Variants in CPEB4 observed in about 807,000 individuals in gnomAD.
The protein encoded by CPEB4 is cytoplasmic polyadenylation element-binding protein 4.
Under a neutral mutation model 72.5 loss-of-function variants are expected in CPEB4, and 12 were observed. The ratio of observed to expected loss-of-function variants is 0.17; its 90% CI spans 0.11 to 0.27. The LOEUF is 0.27. CPEB4 is among the 10% of genes least tolerant of loss of function. The pLI, the probability that CPEB4 is intolerant of heterozygous loss-of-function variation, is 1.00. For missense variants in CPEB4, 614 were observed against 908.5 expected (o/e 0.68, Z 4.17); for synonymous variants, 302 against 326.3 (o/e 0.93, Z 0.80).
In CPEB4 at chr5:173,889,867, T is replaced by C; in HGVS notation, c.134T>C (p.Ile45Thr). ...QNATPSPAAF[I>T]NNNTAANGSS... ...GCCACCCCCAGCCCTGCTGCTTTTA[T>C]AAATAATAACACAGCTGCCAATGGC... Residue 45 changes from isoleucine to threonine, a missense_variant, in exon 1 of 10, where the codon ATA becomes ACA. This residue lies in a region of CPEB4 where 458 missense variants were observed against 548.6 expected (regional missense o/e 0.83). Transcript: ENST00000265085. The C allele has an allele frequency of 4.3e-6, 7 of 1,614,152 alleles. No homozygotes were observed. Among genetic ancestry groups the C allele is most frequent in the Non-Finnish European group, 5.9e-6 (7 of 1,180,020 alleles).
intron 2 of CPEB4, among the ~76,000 whole-genome samples, chr5:173,921,182 T>G (rs1757060096): frequency 6.6e-6 from 1 of 152,178 alleles, no homozygotes; most frequent in South Asian, 2.1e-4. Flanking sequence ...CCTTCTGATA[T>G]TAAGATTTTT....
Position 173,890,370 on chromosome 5 carries a change from C to A in CPEB4, c.637C>A (p.His213Asn). ...TCTGTTGTTTCAAAATTTCCCCCAT[C>A]ATGTCAGCCCTGGCTTTGGAGGCAG... ...GALLFQNFPH[H>N]VSPGFGGSFS... The change falls in exon 1 of 10, where the codon CAT becomes AAT. Residue 213 changes from histidine to asparagine, a missense_variant. Physicochemically the swap from His to Asn is moderately conservative, Grantham distance 68 (BLOSUM62 1). This residue lies in a region of CPEB4 where 458 missense variants were observed against 548.6 expected (regional missense o/e 0.83). Coordinates refer to ENST00000265085, the MANE Select transcript of CPEB4 (RefSeq NM_030627.4). 1.9e-6 allele frequency: 3 copies of A among 1,614,152 alleles called. No individual in the cohort carries two copies. Among genetic ancestry groups the A allele is most frequent in the African/African-American group, 1.3e-5 (1 of 75,020 alleles).
chr5:173,950,683 A>T lies in CPEB4; in HGVS notation c.1665+605A>T, dbSNP rs145824533. Among the ~76,000 whole-genome samples, 1,144 of 151,982 alleles carry T rather than the reference A, an allele frequency of 7.5e-3. 3 individuals carry two copies. Among genetic ancestry groups the T allele is most frequent in the Non-Finnish European group, 0.012 (842 of 67,938 alleles). ...TGCATTTAATAAAATAGCAGAATCA[A>T]CTCTGAATAACGGAACTCAAATCAC... On this transcript the variant is annotated intron_variant, in intron 7 of 9. Coordinates refer to ENST00000265085, the MANE Select transcript of CPEB4 (RefSeq NM_030627.4). The surrounding 1 kb of genome is among the most constrained non-coding windows in gnomAD (Gnocchi z 5.0).
rs2113302279 is a variant in CPEB4, at chr5:173,953,199, C to G, written c.1889C>G (p.Ser630Cys). 1.2e-6 allele frequency: 2 copies of G among 1,613,784 alleles called. No individual in the cohort carries two copies. The highest frequency in any genetic ancestry group is 8.5e-7 in the Non-Finnish European group (1 of 1,179,788). ...YPKGAGRVAF[S>C]NQQSYIAAIS... ...AAAGGAGCTGGGAGAGTTGCGTTCTCTAATCAACAGAGTTACATAGCTGCT... is the reference window on the plus strand; with the variant it reads ...AAAGGAGCTGGGAGAGTTGCGTTCTGTAATCAACAGAGTTACATAGCTGCT... Residue 630 changes from serine to cysteine, a missense_variant, in exon 9 of 10, where the codon TCT becomes TGT. Transcript: ENST00000265085.
At chr5:173,931,118 G>A (rs1757432582) in intron 2 of CPEB4, among the ~76,000 whole-genome samples, 1 of 152,134 alleles carries the variant, frequency 6.6e-6, no homozygotes, top group African/African-American at 2.4e-5. Flanking sequence ...CATGCCATGA[G>A]TTCATTACTA....
chr5:173,954,009 G>A (rs1378137328), intron 9 of CPEB4, among the ~76,000 whole-genome samples: 1 of 151,974 alleles, frequency 6.6e-6, no homozygotes, highest in African/African-American at 2.4e-5. Flanking sequence ...TCCAGCTGGC[G>A]ATTTTTTTTT....
chr5:173,930,412 A>C (rs1023117700), intron 2 of CPEB4, among the ~76,000 whole-genome samples: 3 of 152,142 alleles, frequency 2.0e-5, no homozygotes, highest in African/African-American at 7.2e-5. Flanking sequence ...TCTCAAGTCT[A>C]TCCTTTTAAA....
At chr5:173,899,561 A>T (rs1166837741) in intron 1 of CPEB4, among the ~76,000 whole-genome samples, 1 of 152,108 alleles carries the variant, frequency 6.6e-6, no homozygotes, top group Admixed American at 6.5e-5. Context: ...AAGCACCCAA[A>T]TACCAGCTAG....
intron 3 of CPEB4, among the ~76,000 whole-genome samples, chr5:173,936,985 T>C (rs1188364055): frequency 6.6e-6 from 1 of 151,060 alleles, no homozygotes; most frequent in Non-Finnish European, 1.5e-5. Context: ...TAGTAAGAGA[T>C]CTATTAAGGG....
intron 2 of CPEB4, among the ~76,000 whole-genome samples, chr5:173,922,401 C>T (rs75738222): frequency 0.22 from 33,694 of 151,882 alleles, 4,943 homozygotes; most frequent in Non-Finnish European, 0.31. Context: ...TGGCTAATTT[C>T]TGTATTTTTT....
At chr5:173,910,752 T>TA (rs1326331003) in intron 2 of CPEB4, 148 bp downstream of exon 2, 9 of 606,312 alleles carry the variant, frequency 1.5e-5, no homozygotes, top group East Asian at 2.9e-5. Context: ...CTCTTGTTGT[T>TA]AAAAAATCCA....
Position 173,900,553 on chromosome 5 carries a change from G to A in CPEB4, c.1125+9695G>A, listed in dbSNP as rs1349570561. On this transcript the variant is annotated intron_variant, in intron 1 of 9. Coordinates refer to ENST00000265085, the MANE Select transcript of CPEB4 (RefSeq NM_030627.4). The surrounding 1 kb of genome is among the most constrained non-coding windows in gnomAD (Gnocchi z 4.4). ...TTCCTCAAGGCTGAGTGTTAGTATT[G>A]TTTACCTGCTTTCCTTGAACTAATG... Among the ~76,000 whole-genome samples the A allele has an allele frequency of 1.3e-5, 2 of 152,184 alleles. No individual in the cohort carries two copies. The highest frequency in any genetic ancestry group is 3.9e-4 in the East Asian group (2 of 5,194).
At chr5:173,924,088 T>G (rs1409739826) in intron 2 of CPEB4, among the ~76,000 whole-genome samples, 1 of 152,160 alleles carries the variant, frequency 6.6e-6, no homozygotes, top group Non-Finnish European at 1.5e-5. Flanking sequence ...CTATGAAACC[T>G]TCCTCCATCT....
Position 173,955,174 on chromosome 5 carries a change from C to G in CPEB4, c.1963-736C>G, listed in dbSNP as rs1758338430. Among the ~76,000 whole-genome samples the G allele has an allele frequency of 2.0e-5, 3 of 152,172 alleles. No homozygotes were observed. The highest frequency in any genetic ancestry group is 1.3e-4 in the Admixed American group (2 of 15,276). Reference sequence around the variant, plus strand: ...CTTTTCTAGCTGATGAATTAATAACCAGGTGACTGTTAATGCTTGAAAGGT... The same window carrying G: ...CTTTTCTAGCTGATGAATTAATAACGAGGTGACTGTTAATGCTTGAAAGGT... On this transcript the variant is annotated intron_variant, in intron 9 of 9. Coordinates refer to ENST00000265085, the MANE Select transcript of CPEB4 (RefSeq NM_030627.4). This position sits in a 1 kb window ranked among gnomAD's most constrained non-coding sequence, Gnocchi z 4.7.
At chr5:173,934,243 C>T (rs1757544384) in intron 3 of CPEB4, among the ~76,000 whole-genome samples, 1 of 152,088 alleles carries the variant, frequency 6.6e-6, no homozygotes, top group Non-Finnish European at 1.5e-5. Context: ...TCATTACTAT[C>T]CTTTCTTTCA....
chr5:173,896,115 A>G (rs932908262), intron 1 of CPEB4, among the ~76,000 whole-genome samples: 3 of 152,108 alleles, frequency 2.0e-5, no homozygotes, highest in Non-Finnish European at 2.9e-5. Flanking sequence ...GACTTTCTCT[A>G]TTTTGCTAGG....
At chr5:173,934,865 A>G (rs1214043675) in intron 3 of CPEB4, among the ~76,000 whole-genome samples, 1 of 152,216 alleles carries the variant, frequency 6.6e-6, no homozygotes, top group African/African-American at 2.4e-5. Flanking sequence ...TCTGTCAGTC[A>G]TGTTTGTGAA....
At chr5:173,926,601 G>A (rs1757251336) in intron 2 of CPEB4, among the ~76,000 whole-genome samples, 1 of 152,216 alleles carries the variant, frequency 6.6e-6, no homozygotes, top group African/African-American at 2.4e-5. Flanking sequence ...TCGGCATGAT[G>A]TATGCCAGGC....
In CPEB4 at chr5:173,888,678, T is replaced by C; in HGVS notation, c.-1056T>C. The C allele has an allele frequency of 2.5e-6, 1 of 396,786 alleles. No individual in the cohort carries two copies. Among genetic ancestry groups the C allele is most frequent in the East Asian group, 3.6e-5 (1 of 28,116 alleles). The allele number at this position is 396,786 out of a possible 1,614,324, so 24.6% of individuals were successfully genotyped here. On this transcript the variant is annotated 5_prime_UTR_variant, in exon 1 of 10. Transcript: ENST00000265085. The surrounding 1 kb of genome is among the most constrained non-coding windows in gnomAD (Gnocchi z 4.3). The stretch of plus-strand genomic sequence containing the variant: ...CCTTTAAAATAACTACGGTAGTGGG[T>C]TTTTCCTTTTTTTCCTCTTTTTTCC...
Sources: gnomAD v4.1 joint callset for allele counts (sites outside exome capture counted in the v4.1 genomes callset) on GRCh38, gnomAD v4.1.1 for gene constraint, gnomAD v4.1.1 regional missense constraint, Gnocchi (gnomAD v3.1) non-coding constraint, MANE v1.5 for transcripts, NCBI Gene and HGNC (gene_info 2026-07-23, HGNC 2026-07-21) for gene names.